Variants in SPTB observed in about 807,000 individuals in gnomAD.
SPTB encodes the protein spectrin beta chain, erythrocytic.
A neutral mutation model predicts 256.2 loss-of-function variants in SPTB; 45 were observed. The observed-to-expected ratio is 0.18, with a 90% CI of 0.14 to 0.23. SPTB has a LOEUF of 0.23. Ranked by LOEUF, SPTB falls within the 10% of genes least tolerant of loss-of-function variation. The pLI, the probability that SPTB is intolerant of heterozygous loss-of-function variation, is 1.00. For missense variants in SPTB, 2,715 were observed against 3,040.4 expected (o/e 0.89, Z 2.52); for synonymous variants, 1,231 against 1,243.1 (o/e 0.99, Z 0.21).
chr14:64,803,948 G>T (rs2082935476), intron 3 of SPTB, among the ~76,000 whole-genome samples, 168 bp from the exon 4 acceptor site: 1 of 152,228 alleles, frequency 6.6e-6, no homozygotes, highest in Non-Finnish European at 1.5e-5. Context: ...TTTTAGCAAA[G>T]CTCAGAGGTT....
intron 2 of SPTB, among the ~76,000 whole-genome samples, chr14:64,805,636 G>C (rs1039839993): frequency 6.6e-6 from 1 of 152,080 alleles, no homozygotes; most frequent in Non-Finnish European, 1.5e-5. Context: ...AATCTGTCTT[G>C]GTCACTTCTC....
In SPTB at chr14:64,785,685, G is replaced by A; in HGVS notation, c.3765-58C>T. 2.5e-6 allele frequency: 4 copies of A among 1,613,224 alleles called. No homozygotes were observed. The highest frequency in any genetic ancestry group is 3.4e-6 in the Non-Finnish European group (4 of 1,179,220). On this transcript the variant is annotated intron_variant, in intron 17 of 35. Coordinates refer to ENST00000644917, the MANE Select transcript of SPTB (RefSeq NM_001355436.2). This position sits in a 1 kb window ranked among gnomAD's most constrained non-coding sequence, Gnocchi z 4.4. ...GTGCCGAGCTTGGGGTCCTCACCAA[G>A]CTTGGGGTCCTCACTACCCCCGTGT...
intron 2 of SPTB, among the ~76,000 whole-genome samples, chr14:64,822,364 T>TTG (rs2083304343): frequency 6.0e-4 from 1 of 1,680 alleles, no homozygotes. Context: ...TCTCTCTCTC[T>TTG]CTCTCTCTCT....
At chr14:64,843,676 C>T (rs775476617) in intron 1 of SPTB, among the ~76,000 whole-genome samples, 1 of 152,160 alleles carries the variant, frequency 6.6e-6, no homozygotes, top group Non-Finnish European at 1.5e-5. Flanking sequence ...TAAAGGCCAT[C>T]GCTGTCAAGC....
intron 2 of SPTB, among the ~76,000 whole-genome samples, chr14:64,822,373 C>T (rs2083305589): frequency 2.3e-5 from 3 of 128,896 alleles, no homozygotes; most frequent in Non-Finnish European, 5.1e-5. Flanking sequence ...CTCTCTCTCT[C>T]TCACACACAC....
intron 1 of SPTB, among the ~76,000 whole-genome samples, chr14:64,874,853 G>A (rs981638894): frequency 6.6e-6 from 1 of 152,174 alleles, no homozygotes; most frequent in African/African-American, 2.4e-5. Context: ...ATAATTCGAA[G>A]CAATTATTGT....
chr14:64,815,264 G>GGGGCATCTCCCATGAAGC (rs66786925), intron 2 of SPTB, among the ~76,000 whole-genome samples: 1 of 151,066 alleles, frequency 6.6e-6, no homozygotes, highest in Non-Finnish European at 1.5e-5. Context: ...AAAATGGGAA[G>GGGGCATCTCCCATGAAGC]GGGCATCTCC....
intron 2 of SPTB, among the ~76,000 whole-genome samples, chr14:64,821,495 C>A (rs1432985215): frequency 6.6e-6 from 1 of 152,192 alleles, no homozygotes; most frequent in Non-Finnish European, 1.5e-5. Flanking sequence ...AATATGGTAC[C>A]CCTCTCCCTC....
In SPTB at chr14:64,827,875, G is replaced by A. The variant is rs890249835; in HGVS notation, c.-51-4730C>T. On this transcript the variant is annotated intron_variant, in intron 1 of 35. Coordinates refer to ENST00000644917, the MANE Select transcript of SPTB (RefSeq NM_001355436.2). This position sits in a 1 kb window ranked among gnomAD's most constrained non-coding sequence, Gnocchi z 4.6. ...GGGCTACCAGGACAGCAGAACCAGGGAGTTTCAGTACCATGGGGTAACGAT... is the reference window on the plus strand; with the variant it reads ...GGGCTACCAGGACAGCAGAACCAGGAAGTTTCAGTACCATGGGGTAACGAT... Among the ~76,000 whole-genome samples, 3 of 152,158 alleles carry A rather than the reference G, an allele frequency of 2.0e-5. No homozygotes were observed. Among genetic ancestry groups the A allele is most frequent in the Non-Finnish European group, 4.4e-5 (3 of 68,044 alleles).
chr14:64,772,862 G>A lies in SPTB; in HGVS notation c.5271C>T (p.Leu1757=), dbSNP rs780163720. The A allele has an allele frequency of 8.6e-5, 139 of 1,612,092 alleles. No individual in the cohort carries two copies. The highest frequency in any genetic ancestry group is 1.1e-4 in the Non-Finnish European group (134 of 1,178,874). The change falls in exon 26 of 36, where the codon CTC becomes CTT. Residue 1757 remains leucine, a synonymous_variant. Coordinates refer to ENST00000644917, the MANE Select transcript of SPTB (RefSeq NM_001355436.2). This position sits in a 1 kb window ranked among gnomAD's most constrained non-coding sequence, Gnocchi z 5.4. The part of the protein sequence containing the change: ...VDNVNAFIER[L]IDAGHSEAAT... Reference sequence around the variant, plus strand: ...CCGCCTCGCTGTGGCCCGCGTCGATGAGTCGCTCGATGAAGGCATTCACAT... The same window carrying A: ...CCGCCTCGCTGTGGCCCGCGTCGATAAGTCGCTCGATGAAGGCATTCACAT...
chr14:64,793,201 T>C lies in SPTB; in HGVS notation c.2462A>G (p.His821Arg), dbSNP rs777683294. The change falls in exon 14 of 36, where the codon CAT (histidine) becomes CGT (arginine). Residue 821 changes from histidine to arginine, a missense_variant. By Grantham distance (29) the His-to-Arg change is conservative. This residue lies in a region of SPTB where 2,239 missense variants were observed against 2,384.4 expected (regional missense o/e 0.94). Transcript: ENST00000644917. The surrounding 1 kb of genome is among the most constrained non-coding windows in gnomAD (Gnocchi z 7.0). Reference sequence around the variant, plus strand: ...GAGCTCCCGCAGGGCCTGCAGCCGATGGGTCACATCTGGGGAATCCCGAAA... The same window carrying C: ...GAGCTCCCGCAGGGCCTGCAGCCGACGGGTCACATCTGGGGAATCCCGAAA... ...EEFRDSPDVT[H>R]RLQALRELYQ... 50 of 1,612,816 alleles carry C rather than the reference T, an allele frequency of 3.1e-5. No individual in the cohort carries two copies. In the South Asian group the frequency reaches 5.3e-4, roughly 17 times the overall value.
rs1158116186 is a variant in SPTB, at chr14:64,866,876, T to G, written c.-52+12916A>C. 6.6e-6 allele frequency among the ~76,000 whole-genome samples: 1 copy of G among 152,226 alleles called. No homozygotes were observed. Among genetic ancestry groups the G allele is most frequent in the African/African-American group, 2.4e-5 (1 of 41,466 alleles). On this transcript the variant is annotated intron_variant, in intron 1 of 35. Transcript: ENST00000644917. The surrounding 1 kb of genome is among the most constrained non-coding windows in gnomAD (Gnocchi z 4.6). ...TATACAGGAATTTTCAGTCTTTTTT[T>G]TCTGAAGTGCTTTTCTTAACTCTTT...
At chr14:64,821,714 A>G (rs567565497) in intron 2 of SPTB, among the ~76,000 whole-genome samples, 19 of 152,326 alleles carry the variant, frequency 1.2e-4, no homozygotes, top group African/African-American at 4.6e-4. Flanking sequence ...GGAGATAAAG[A>G]AAGAAGAAAG....
rs116586454 is a variant in SPTB at position 64,806,608 on chromosome 14, G to A, written c.149-1518C>T. ...AGGCTTGCTGCATCAGATGCCTTCC[G>A]GCTTCATGGCTATTTTGGTATTAGG... On this transcript the variant is annotated intron_variant, in intron 2 of 35. Transcript: ENST00000644917. The surrounding 1 kb of genome is among the most constrained non-coding windows in gnomAD (Gnocchi z 4.1). 1.7e-3 allele frequency among the ~76,000 whole-genome samples: 256 copies of A among 152,272 alleles called. 1 individual carries two copies. The highest frequency in any genetic ancestry group is 5.8e-3 in the African/African-American group (240 of 41,554).
rs543744572 is a variant in SPTB, at chr14:64,760,916, G to C, written c.6345+5810C>G. Among the ~76,000 whole-genome samples, 27 of 152,364 alleles carry C rather than the reference G, an allele frequency of 1.8e-4. No individual in the cohort carries two copies. The highest frequency in any genetic ancestry group is 6.0e-4 in the African/African-American group (25 of 41,582). On this transcript the variant is annotated intron_variant, in intron 32 of 35. Coordinates refer to ENST00000644917, the MANE Select transcript of SPTB (RefSeq NM_001355436.2). This position sits in a 1 kb window ranked among gnomAD's most constrained non-coding sequence, Gnocchi z 4.3. ...TGTGTTCTTACTAATTCTCCTGCAA[G>C]AGAGGAGACCTGTATCCTCACTCCA...
At chr14:64,832,127 A>G (rs1481524525) in intron 1 of SPTB, among the ~76,000 whole-genome samples, 2 of 152,156 alleles carry the variant, frequency 1.3e-5, no homozygotes, top group East Asian at 1.9e-4. Context: ...GATACAGTGT[A>G]CTTATCTATA....
chr14:64,773,003 C>T, intron 25 of SPTB, 49 bp from the exon 26 acceptor site: 1 of 1,583,456 alleles, frequency 6.3e-7, no homozygotes, highest in Non-Finnish European at 8.6e-7. Flanking sequence ...ACAGGGGTTA[C>T]AGGTGTCACC....
intron 1 of SPTB, among the ~76,000 whole-genome samples, chr14:64,838,295 C>T (rs1286744656): frequency 2.0e-5 from 3 of 150,540 alleles, no homozygotes. Context: ...ATAAAACCTA[C>T]AGCCATAAAA....
intron 15 of SPTB, among the ~76,000 whole-genome samples, chr14:64,791,412 A>G (rs1438806516): frequency 1.3e-5 from 2 of 152,084 alleles, no homozygotes; most frequent in Non-Finnish European, 2.9e-5. Flanking sequence ...CTAAAAATAC[A>G]AAAACTAGCC....
Sources: allele counts gnomAD v4.1 joint callset (sites outside exome capture counted in the v4.1 genomes callset), GRCh38; gene constraint gnomAD v4.1.1; regional missense constraint gnomAD v4.1.1; non-coding constraint Gnocchi (gnomAD v3.1); transcripts MANE v1.5; gene names NCBI Gene and HGNC (gene_info 2026-07-23, HGNC 2026-07-21).